COG2: variants seen among roughly 807,000 people sequenced by gnomAD.
COG2 encodes conserved oligomeric Golgi complex subunit 2.
A neutral mutation model predicts 90.6 loss-of-function variants in COG2; 52 were observed. The observed-to-expected ratio is 0.57, with a 90% CI of 0.46 to 0.72. COG2 has a LOEUF of 0.72. COG2 is among the 30% of genes least tolerant of loss of function. COG2 has a pLI of 0.00. For missense variants in COG2, 829 were observed against 891.2 expected (o/e 0.93, Z 0.89); for synonymous variants, 337 against 320.4 (o/e 1.05, Z -0.55).
chr1:230,642,533 C>CGCGGGCGCTGCCATGTTGGCGGAAG lies in COG2; in HGVS notation c.-74_-73insGCGGGCGCTGCCATGTTGGCGGAAG. 1 of 1,473,062 alleles carries CGCGGGCGCTGCCATGTTGGCGGAAG rather than the reference C, an allele frequency of 6.8e-7. No individual in the cohort carries two copies. The highest frequency in any genetic ancestry group is 9.3e-7 in the Non-Finnish European group (1 of 1,077,188). 91.2% of individuals were successfully genotyped at this position (1,473,062 alleles called of 1,614,324 possible). A position where few individuals can be genotyped will look rare whatever the true frequency, so the allele number is the denominator to read the frequency against. On this transcript the variant is annotated 5_prime_UTR_variant, in exon 1 of 18. It adds an upstream start codon to the 5' untranslated region. Transcript: ENST00000366669. ...CCGTGGAAACTGGCGGTGGCCGCGG[C>CGCGGGCGCTGCCATGTTGGCGGAAG]CGCCGAGTCGGTCTGCGCAGCCTCC...
At chr1:230,674,883 A>G (rs982047362) in intron 8 of COG2, 115 bp from the exon 9 acceptor site, 1 of 793,480 alleles carries the variant, frequency 1.3e-6, no homozygotes, top group Admixed American at 3.0e-5. Flanking sequence ...GGTTTTTTTA[A>G]AAAGTTGAAA....
At chr1:230,678,377 C>G (rs1274408666) in intron 9 of COG2, 5 of 985,350 alleles carry the variant, frequency 5.1e-6, no homozygotes, top group Non-Finnish European at 6.0e-6. Flanking sequence ...TAAGACAATT[C>G]TAATCACAGT....
intron 12 of COG2, among the ~76,000 whole-genome samples, chr1:230,685,675 G>A (rs1264274420): frequency 6.6e-6 from 1 of 151,986 alleles, no homozygotes; most frequent in African/African-American, 2.4e-5. Flanking sequence ...TTCTTTTTTT[G>A]AATATCCTTT....
intron 1 of COG2, among the ~76,000 whole-genome samples, chr1:230,656,322 G>A (rs1662050231): frequency 6.6e-6 from 1 of 152,118 alleles, no homozygotes; most frequent in Admixed American, 6.6e-5. Context: ...GTTCTCATTG[G>A]TTTCAAAGAA....
At position 230,645,624 on chromosome 1, in the gene COG2, C is replaced by T. The variant is rs1190389273; in HGVS notation, c.72+2946C>T. Among the ~76,000 whole-genome samples the T allele has an allele frequency of 4.6e-5, 7 of 152,088 alleles. No homozygotes were observed. The South Asian group carries it at 6.2e-4, about 14-fold the overall frequency. On this transcript the variant is annotated intron_variant, in intron 1 of 17. Coordinates refer to ENST00000366669, the MANE Select transcript of COG2 (RefSeq NM_007357.3). ...GGGGATGGTTTTGGGGTGATTCAAG[C>T]GCATTACATTTATTGTACACTTTAT...
rs34109129 is a variant in COG2, at chr1:230,688,533, G to A, written c.1765G>A (p.Val589Ile). ...CGGTTTCCTAAAAAGCGCCCTGGAG[G>A]TTCCCAGGCTTTACCGAAGAACCAA... ...CFGFLKSALE[V>I]PRLYRRTNKE... The change falls in exon 15 of 18, where the codon GTT (valine) becomes ATT (isoleucine). Residue 589 changes from valine (V) to isoleucine (I), a missense_variant. Val to Ile is a conservative substitution (Grantham distance 29). Transcript: ENST00000366669. 4.1e-3 allele frequency: 6,538 copies of A among 1,614,082 alleles called. 165 individuals carry two copies. The African/African-American group carries it at 0.064, about 16-fold the overall frequency.
intron 1 of COG2, among the ~76,000 whole-genome samples, chr1:230,649,240 A>G (rs1661858677): frequency 6.6e-6 from 1 of 152,164 alleles, no homozygotes; most frequent in South Asian, 2.1e-4. Flanking sequence ...TTGGTAACCA[A>G]ATAAAGGTTT....
intron 4 of COG2, among the ~76,000 whole-genome samples, chr1:230,664,237 C>CA (rs1662259428): frequency 6.7e-6 from 1 of 148,520 alleles, no homozygotes; most frequent in African/African-American, 2.5e-5. Flanking sequence ...ATATAAGAAA[C>CA]CAAAAAAAAA....
chr1:230,643,221 G>A (rs1020054931), intron 1 of COG2, among the ~76,000 whole-genome samples: 15 of 152,214 alleles, frequency 9.9e-5, no homozygotes, highest in African/African-American at 3.6e-4. Flanking sequence ...ACTCTTTAAA[G>A]AAGTTGCTCT....
At position 230,663,237 on chromosome 1, in the gene COG2, A is replaced by G; in HGVS notation, c.381+16A>G. The G allele has an allele frequency of 6.3e-7, 1 of 1,596,196 alleles. No individual in the cohort carries two copies. The highest frequency in any genetic ancestry group is 2.2e-5 in the East Asian group (1 of 44,672). On this transcript the variant is annotated intron_variant, in intron 4 of 17. Transcript: ENST00000366669. ...GAAAAAAAAGGTATACTCAAATATT[A>G]CAATATTAAATCGTTGATTCACTGT...
chr1:230,677,747 A>C (rs1662636379), intron 9 of COG2, among the ~76,000 whole-genome samples: 2 of 152,224 alleles, frequency 1.3e-5, no homozygotes, highest in African/African-American at 4.8e-5. Flanking sequence ...TTAGAATTTT[A>C]GGCTAATACT....
At chr1:230,663,060 C>A in intron 3 of COG2, 81 bp from the exon 4 acceptor site, 1 of 1,132,368 alleles carries the variant, frequency 8.8e-7, no homozygotes, top group South Asian at 1.6e-5. Flanking sequence ...GTGTTAAGTC[C>A]TGTGGAATTG....
Position 230,693,425 on chromosome 1 carries a change from A to C in COG2, c.*32A>C, listed in dbSNP as rs1459113904. The stretch of plus-strand genomic sequence containing the variant: ...TGGAAGATCCCGAGGTTAGATTCTT[A>C]AGCAAGAGAAGAGTTGGACTTCCAG... On this transcript the variant is annotated 3_prime_UTR_variant, in exon 18 of 18. Transcript: ENST00000366669. 3 of 1,394,674 alleles carry C rather than the reference A, an allele frequency of 2.2e-6. No individual in the cohort carries two copies. The highest frequency in any genetic ancestry group is 3.0e-6 in the Non-Finnish European group (3 of 991,832). The allele number at this position is 1,394,674 out of a possible 1,614,324, so 86.4% of individuals were successfully genotyped here.
chr1:230,676,142 T>G (rs566783086), intron 9 of COG2, among the ~76,000 whole-genome samples: 2 of 152,328 alleles, frequency 1.3e-5, no homozygotes, highest in East Asian at 3.9e-4. Flanking sequence ...GAGATAATCT[T>G]TGTCTTTTAA....
chr1:230,691,944 T>C (rs1295923928), intron 17 of COG2: 1 of 173,288 alleles, frequency 5.8e-6, no homozygotes, highest in Non-Finnish European at 1.2e-5. Context: ...GCATTACCCC[T>C]CTATGGTGCA....
chr1:230,678,831 A>G lies in COG2; in HGVS notation c.1027-82A>G, dbSNP rs1219440671. The G allele has an allele frequency of 5.0e-6, 8 of 1,589,948 alleles. No homozygotes were observed. In the Admixed American group the frequency reaches 1.0e-4, roughly 20 times the overall value. ...TGATTCTTACGTGTTGAGCTTCTTT[A>G]TCTTGATTACAGTTTTCAGTACATG... On this transcript the variant is annotated intron_variant, in intron 9 of 17. Coordinates refer to ENST00000366669, the MANE Select transcript of COG2 (RefSeq NM_007357.3).
chr1:230,642,528 C>T lies in COG2; in HGVS notation c.-79C>T, dbSNP rs562625475. The T allele has an allele frequency of 6.9e-6, 10 of 1,442,298 alleles. No individual in the cohort carries two copies. The Admixed American group carries it at 1.2e-4, about 17-fold the overall frequency. The allele number at this position is 1,442,298 out of a possible 1,614,324, so 89.3% of individuals were successfully genotyped here. On this transcript the variant is annotated 5_prime_UTR_variant, in exon 1 of 18. Coordinates refer to ENST00000366669, the MANE Select transcript of COG2 (RefSeq NM_007357.3). ...CTGTGCCGTGGAAACTGGCGGTGGC[C>T]GCGGCCGCCGAGTCGGTCTGCGCAG...
intron 8 of COG2, among the ~76,000 whole-genome samples, chr1:230,674,403 A>C (rs1209910402): frequency 2.6e-5 from 4 of 152,230 alleles, no homozygotes; most frequent in Non-Finnish European, 5.9e-5. Context: ...GGAATTTAAA[A>C]GTCTGGTGCT....
At chr1:230,663,487 A>T (rs1054140906) in intron 4 of COG2, among the ~76,000 whole-genome samples, 7 of 152,106 alleles carry the variant, frequency 4.6e-5, no homozygotes, top group Non-Finnish European at 8.8e-5. Flanking sequence ...TGTTTTAGAG[A>T]TCTTCTGTTT....
Sources: allele counts gnomAD v4.1 joint callset (sites outside exome capture counted in the v4.1 genomes callset), GRCh38; gene constraint gnomAD v4.1.1; transcripts MANE v1.5; gene names NCBI Gene and HGNC (gene_info 2026-07-23, HGNC 2026-07-21).